COL11A1: variants seen among roughly 807,000 people sequenced by gnomAD.
COL11A1 encodes collagen type XI alpha 1 chain, also known as collagen alpha-1(XI) chain.
A neutral mutation model predicts 265.2 loss-of-function variants in COL11A1; 74 were observed. The ratio of observed to expected loss-of-function variants is 0.28; its 90% CI spans 0.23 to 0.34. The LOEUF is 0.34. COL11A1 is among the 10% of genes least tolerant of loss of function. COL11A1 has a pLI of 1.00. For missense variants in COL11A1, 2,165 were observed against 2,263.6 expected, an observed-to-expected ratio of 0.96 and a Z score of 0.88; for synonymous variants, 816 against 727.6, an observed-to-expected ratio of 1.12 and a Z score of -1.96.
Position 102,882,215 on chromosome 1 carries a change from T to G in COL11A1, c.4972-450A>C, listed in dbSNP as rs150597371. 6.8e-3 allele frequency among the ~76,000 whole-genome samples: 1,041 copies of G among 152,316 alleles called. 9 individuals are homozygous for G. Among genetic ancestry groups the G allele is most frequent in the Middle Eastern group, 0.037 (11 of 294 alleles). On this transcript the variant is annotated intron_variant, in intron 64 of 66. Transcript: ENST00000370096. Reference sequence around the variant, plus strand: ...AGGAGATATACTGTGTGAAAGGCACTGATTGGAAGCAACCTGAATTACTCC... The same window carrying G: ...AGGAGATATACTGTGTGAAAGGCACGGATTGGAAGCAACCTGAATTACTCC...
At chr1:102,954,066 A>G (rs1288332117) in intron 41 of COL11A1, among the ~76,000 whole-genome samples, 1 of 152,216 alleles carries the variant, frequency 6.6e-6, no homozygotes, top group African/African-American at 2.4e-5. Flanking sequence ...ATTAACAACT[A>G]TGGAAAACAT....
intron 31 of COL11A1, among the ~76,000 whole-genome samples, chr1:102,980,204 G>C (rs1479388890): frequency 6.6e-6 from 1 of 151,862 alleles, no homozygotes; most frequent in Non-Finnish European, 1.5e-5. Context: ...CTGAAAAAAA[G>C]AATGCTTGGT....
At chr1:102,919,147 GT>G (rs1157836702) in intron 49 of COL11A1, among the ~76,000 whole-genome samples, 2 of 111,512 alleles carry the variant, frequency 1.8e-5, no homozygotes, top group Non-Finnish European at 4.2e-5. Flanking sequence ...TGAAAAGTGT[GT>G]TTTCAGTTTC....
chr1:102,989,690 A>G lies in COL11A1; in HGVS notation c.2341-119T>C, dbSNP rs1663936871. The G allele has an allele frequency of 1.0e-5, 6 of 581,386 alleles. No individual in the cohort carries two copies. In the East Asian group the frequency reaches 1.6e-4, roughly 15 times the overall value. The allele number at this position is 581,386 out of a possible 1,614,324, so 36.0% of individuals were successfully genotyped here. A position where few individuals can be genotyped will look rare whatever the true frequency, so the allele number is the denominator to read the frequency against. ...GGAAAATTATTTTTGAGAAATGTGCATGGTAGTTGTGAAACTTCCTCCTCC... is the reference window on the plus strand; with the variant it reads ...GGAAAATTATTTTTGAGAAATGTGCGTGGTAGTTGTGAAACTTCCTCCTCC... On this transcript the variant is annotated intron_variant, in intron 28 of 66. Coordinates refer to ENST00000370096, the MANE Select transcript of COL11A1 (RefSeq NM_001854.4).
chr1:103,083,581 TA>T (rs1011823081), intron 1 of COL11A1, among the ~76,000 whole-genome samples: 7 of 152,158 alleles, frequency 4.6e-5, no homozygotes, highest in Non-Finnish European at 1.0e-4. Context: ...AGAAAGGTGT[TA>T]AAAAAATAGG....
intron 4 of COL11A1, among the ~76,000 whole-genome samples, chr1:103,071,770 A>G (rs190708049): frequency 3.9e-4 from 59 of 151,152 alleles, no homozygotes; most frequent in African/African-American, 1.4e-3. Flanking sequence ...TCATGGTTGT[A>G]AAATCATAAG....
chr1:103,052,609 CAT>C lies in COL11A1; in HGVS notation c.652-21367_652-21366del, dbSNP rs1254529222. On this transcript the variant is annotated intron_variant, in intron 4 of 66. Transcript: ENST00000370096. The stretch of plus-strand genomic sequence containing the variant: ...CCTTACTTAAGCACAACAATTGACA[CAT>C]AATGTTTATTTTATTTCAACAGAGA... 5.3e-5 allele frequency among the ~76,000 whole-genome samples: 8 copies of C among 152,224 alleles called. No homozygotes were observed. The East Asian group carries it at 1.5e-3, about 29-fold the overall frequency.
rs2786122 is a variant in COL11A1 at position 103,012,263 on chromosome 1, A to G, written c.1629+150T>C. Reference sequence around the variant, plus strand: ...TCAAAATGTACAGAAAACTGAATTGAGAAGGATTTTTTTAATGGAAACAAC... The same window carrying G: ...TCAAAATGTACAGAAAACTGAATTGGGAAGGATTTTTTTAATGGAAACAAC... On this transcript the variant is annotated intron_variant, in intron 14 of 66. Coordinates refer to ENST00000370096, the MANE Select transcript of COL11A1 (RefSeq NM_001854.4). The G allele has an allele frequency of 0.057, 36,423 of 639,572 alleles. 1,246 individuals carry two copies. The highest frequency in any genetic ancestry group is 0.11 in the African/African-American group (6,196 of 54,796). 39.6% of individuals were successfully genotyped at this position (639,572 alleles called of 1,614,324 possible).
chr1:102,885,103 T>G (rs1177660408), intron 63 of COL11A1, among the ~76,000 whole-genome samples: 3 of 152,190 alleles, frequency 2.0e-5, no homozygotes, highest in Admixed American at 6.6e-5. Context: ...ACCCTTTTTT[T>G]GTCCAATATT....
chr1:102,900,378 A>G (rs1653031984), intron 54 of COL11A1, among the ~76,000 whole-genome samples: 1 of 152,154 alleles, frequency 6.6e-6, no homozygotes. Context: ...TAAAATGTTG[A>G]GCCAGAAATT....
chr1:103,047,594 T>C (rs1339457670), intron 4 of COL11A1, among the ~76,000 whole-genome samples: 1 of 152,208 alleles, frequency 6.6e-6, no homozygotes, highest in Admixed American at 6.5e-5. Flanking sequence ...ATACCCTTTA[T>C]TTCCTTCTCC....
chr1:102,898,779 A>C lies in COL11A1; in HGVS notation c.4141-6T>G. 1 of 1,611,438 alleles carries C rather than the reference A, an allele frequency of 6.2e-7. No homozygotes were observed. ...CCTTCTGCACCTGCTTCCCCCTGTT[A>C]GAAAGTAAAATATGGGAGCACATTA... On this transcript the variant is annotated splice_region_variant and splice_polypyrimidine_tract_variant and intron_variant, in intron 55 of 66. Transcript: ENST00000370096.
chr1:103,103,792 C>G (rs149438945), intron 1 of COL11A1, among the ~76,000 whole-genome samples: 9 of 151,836 alleles, frequency 5.9e-5, no homozygotes, highest in Non-Finnish European at 1.0e-4. Flanking sequence ...GAGTACTTCC[C>G]ATAAATTAAA....
intron 28 of COL11A1, among the ~76,000 whole-genome samples, chr1:102,995,125 G>T (rs1179681803): frequency 6.6e-6 from 1 of 152,034 alleles, no homozygotes; most frequent in African/African-American, 2.4e-5. Context: ...GATGAGATTT[G>T]GGTGGGCATA....
At chr1:102,896,829 G>GA (rs1360384325) in intron 57 of COL11A1, among the ~76,000 whole-genome samples, 1 of 152,056 alleles carries the variant, frequency 6.6e-6, no homozygotes, top group Non-Finnish European at 1.5e-5. Context: ...GAAATAACAA[G>GA]AAAAAATCTC....
intron 41 of COL11A1, among the ~76,000 whole-genome samples, chr1:102,953,420 A>G (rs1422351206): frequency 6.6e-6 from 1 of 152,192 alleles, no homozygotes; most frequent in Non-Finnish European, 1.5e-5. Context: ...TTGTTGCCAT[A>G]GATGGAGAGA....
intron 26 of COL11A1, 124 bp downstream of exon 26, chr1:102,996,956 G>A: frequency 1.2e-6 from 1 of 807,846 alleles, no homozygotes. Context: ...AGTAGTCTAA[G>A]ATATCTTTTT....
intron 28 of COL11A1, among the ~76,000 whole-genome samples, chr1:102,991,053 C>G (rs1664080085): frequency 6.6e-6 from 1 of 151,822 alleles, no homozygotes; most frequent in African/African-American, 2.4e-5. Context: ...CAAAACAAAA[C>G]AAACAAACAA....
rs759333312 is a variant in COL11A1 at position 102,934,470 on chromosome 1, A to T, written c.3579T>A (p.Pro1193=). The change falls in exon 46 of 67, where the codon CCT becomes CCA. Residue 1193 remains proline (P), a synonymous_variant. Coordinates refer to ENST00000370096, the MANE Select transcript of COL11A1 (RefSeq NM_001854.4). The part of the protein sequence containing the change: ...GDEGARGFPG[P]PGPIGLQGLP... ...TTACCTGAAGACCTATTGGACCAGG[A>T]GGTCCAGGGAAGCCTCTGGCACCCT... The T allele has an allele frequency of 6.2e-7, 1 of 1,611,002 alleles. No homozygotes were observed. The highest frequency in any genetic ancestry group is 1.1e-5 in the South Asian group (1 of 91,026).
Sources: gnomAD v4.1 joint callset for allele counts (sites outside exome capture counted in the v4.1 genomes callset) on GRCh38, gnomAD v4.1.1 for gene constraint, MANE v1.5 for transcripts, NCBI Gene and HGNC (gene_info 2026-07-23, HGNC 2026-07-21) for gene names.